AFG2A: variants seen among roughly 807,000 people sequenced by gnomAD.
The protein encoded by AFG2A is ATPase family gene 2 protein homolog A.
the AFG2A span, among the ~76,000 whole-genome samples, chr4:123,006,077 C>T: frequency 6.7e-6 from 1 of 150,028 alleles, no homozygotes; most frequent in East Asian, 2.0e-4. Context: ...TCCTATAATG[C>T]AGGTGTCCTG....
the AFG2A span, among the ~76,000 whole-genome samples, chr4:123,275,731 T>C: frequency 6.6e-6 from 1 of 152,164 alleles, no homozygotes; most frequent in Non-Finnish European, 1.5e-5. Context: ...TTCTTATAAG[T>C]GAGAACATGT....
the AFG2A span, among the ~76,000 whole-genome samples, chr4:123,039,300 T>C: frequency 6.6e-6 from 1 of 152,124 alleles, no homozygotes; most frequent in African/African-American, 2.4e-5. Context: ...ACAGCAATAA[T>C]GTAGAGTTGG....
the AFG2A span, among the ~76,000 whole-genome samples, chr4:123,313,339 G>T: frequency 6.6e-6 from 1 of 152,136 alleles, no homozygotes; most frequent in Non-Finnish European, 1.5e-5. Context: ...ATATTCCTGA[G>T]ATTTAAGAAC....
chr4:123,107,343 A>G, the AFG2A span, among the ~76,000 whole-genome samples: 1 of 152,172 alleles, frequency 6.6e-6, no homozygotes, highest in Non-Finnish European at 1.5e-5. Flanking sequence ...GGTGGAAAGG[A>G]CTTTAATTGA....
chr4:123,269,276 G>T, the AFG2A span, among the ~76,000 whole-genome samples: 1 of 152,138 alleles, frequency 6.6e-6, no homozygotes, highest in Non-Finnish European at 1.5e-5. Context: ...TCTTCCTCCT[G>T]CCCGGGCATG....
At chr4:123,196,173 T>TTTTTTA in the AFG2A span, among the ~76,000 whole-genome samples, 3 of 140,288 alleles carry the variant, frequency 2.1e-5, no homozygotes, top group Non-Finnish European at 4.7e-5. Flanking sequence ...GCTAATTTTT[T>TTTTTTA]TTTTTTTTTT....
At chr4:123,199,468 T>TG in the AFG2A span, among the ~76,000 whole-genome samples, 5 of 131,366 alleles carry the variant, frequency 3.8e-5, no homozygotes, top group Non-Finnish European at 8.0e-5. Flanking sequence ...AGAGGTTTTT[T>TG]TTTTTTTTTT....
At chr4:122,954,889 A>C in the AFG2A span, among the ~76,000 whole-genome samples, 1 of 152,190 alleles carries the variant, frequency 6.6e-6, no homozygotes, top group African/African-American at 2.4e-5. Flanking sequence ...GTACTCATAC[A>C]TTGGGTCCCA....
chr4:123,256,120 C>A, the AFG2A span: 1 of 1,613,996 alleles, frequency 6.2e-7, no homozygotes, highest in Admixed American at 1.7e-5. Flanking sequence ...CCATGCCTGT[C>A]AGTAATGAAG....
At chr4:123,072,809 T>C in the AFG2A span, among the ~76,000 whole-genome samples, 3 of 143,500 alleles carry the variant, frequency 2.1e-5, no homozygotes, top group African/African-American at 5.1e-5. Context: ...TTTATTCAAA[T>C]GCATTTGTTT....
chr4:123,313,948 C>G, the AFG2A span: 38 of 1,612,804 alleles, frequency 2.4e-5, no homozygotes, highest in Non-Finnish European at 3.0e-5. Flanking sequence ...TCAAGCCAAT[C>G]TCATCATGAA....
At chr4:123,026,429 G>A in the AFG2A span, among the ~76,000 whole-genome samples, 2 of 151,774 alleles carry the variant, frequency 1.3e-5, no homozygotes, top group South Asian at 2.1e-4. Flanking sequence ...ATACTAACAC[G>A]AACGATAGGT....
At chr4:123,197,962 T>C in the AFG2A span, among the ~76,000 whole-genome samples, 2 of 151,788 alleles carry the variant, frequency 1.3e-5, no homozygotes, top group South Asian at 4.2e-4. Context: ...TCTAACATCA[T>C]GGTGCATTAA....
chr4:123,074,758 T>C, the AFG2A span, among the ~76,000 whole-genome samples: 1 of 152,190 alleles, frequency 6.6e-6, no homozygotes, highest in Non-Finnish European at 1.5e-5. Context: ...CACTAGGATC[T>C]CTCCTCTTCT....
chr4:122,996,622 T>TAGGA, the AFG2A span, among the ~76,000 whole-genome samples: 18 of 149,622 alleles, frequency 1.2e-4, no homozygotes, highest in Non-Finnish European at 2.4e-4. Flanking sequence ...GATAGATAGA[T>TAGGA]AGGAGAGGAG....
the AFG2A span, chr4:123,256,028 C>T: frequency 2.5e-6 from 4 of 1,613,946 alleles, no homozygotes. Context: ...TTTGATGCGG[C>T]CTGGAAGAAT....
At chr4:123,125,090 T>C in the AFG2A span, among the ~76,000 whole-genome samples, 2 of 152,128 alleles carry the variant, frequency 1.3e-5, no homozygotes, top group Non-Finnish European at 2.9e-5. Flanking sequence ...TCTATACTTG[T>C]ATGTATAGGA....
the AFG2A span, among the ~76,000 whole-genome samples, chr4:123,067,584 T>C: frequency 6.0e-5 from 8 of 133,738 alleles, no homozygotes; most frequent in Admixed American, 6.5e-4. Context: ...GAACTTGTTA[T>C]GATATTTAAA....
chr4:122,964,558 A>G, the AFG2A span, among the ~76,000 whole-genome samples: 1,834 of 152,014 alleles, frequency 0.012, 43 homozygotes, highest in African/African-American at 0.041. Context: ...ATAATCGACT[A>G]CTCTTTCAGA....
Sources: allele counts gnomAD v4.1 joint callset (sites outside exome capture counted in the v4.1 genomes callset), GRCh38; gene constraint gnomAD v4.1.1; transcripts MANE v1.5; gene names NCBI Gene and HGNC (gene_info 2026-07-23, HGNC 2026-07-21).